Variants in CNBD1 observed in about 807,000 individuals in gnomAD.
CNBD1 encodes the protein cyclic nucleotide binding domain containing 1.
A neutral mutation model predicts 54.4 loss-of-function variants in CNBD1; 71 were observed. The ratio of observed to expected loss-of-function variants is 1.30; its 90% CI spans 1.08 to 1.59. CNBD1 has a LOEUF of 1.59. Ranked by LOEUF, CNBD1 falls within the 40% of genes most tolerant of loss-of-function variation. CNBD1 has a pLI of 0.00. For missense variants in CNBD1, 659 were observed against 518.0 expected, an observed-to-expected ratio of 1.27 and a Z score of -2.64; for synonymous variants, 182 against 170.7, an observed-to-expected ratio of 1.07 and a Z score of -0.51.
intron 7 of CNBD1, among the ~76,000 whole-genome samples, chr8:87,285,889 A>T (rs533810165): frequency 1.1e-4 from 16 of 152,294 alleles, no homozygotes; most frequent in Admixed American, 7.9e-4. Context: ...ATAAATAAAT[A>T]AAAAATAATG....
At chr8:87,021,670 T>A (rs1206600200) in intron 4 of CNBD1, among the ~76,000 whole-genome samples, 1 of 152,182 alleles carries the variant, frequency 6.6e-6, no homozygotes, top group African/African-American at 2.4e-5. Flanking sequence ...ACTTGTAGGG[T>A]AGAGGCCAGA....
At chr8:86,918,229 T>TA (rs200062695) in intron 3 of CNBD1, among the ~76,000 whole-genome samples, 11 of 151,886 alleles carry the variant, frequency 7.2e-5, no homozygotes, top group East Asian at 1.9e-4. Flanking sequence ...TGTCATGACT[T>TA]AAAAAAAAAT....
chr8:87,183,317 A>C (rs1241114640), intron 4 of CNBD1, among the ~76,000 whole-genome samples: 1 of 149,148 alleles, frequency 6.7e-6, no homozygotes, highest in East Asian at 2.0e-4. Flanking sequence ...GTAGTTTGAA[A>C]TCAGGTAGTG....
intron 4 of CNBD1, among the ~76,000 whole-genome samples, chr8:87,007,718 T>G (rs1489754187): frequency 1.3e-5 from 2 of 152,192 alleles, no homozygotes; most frequent in Non-Finnish European, 2.9e-5. Context: ...GATAACATTC[T>G]TAAAGTTTTC....
intron 4 of CNBD1, among the ~76,000 whole-genome samples, chr8:87,026,280 T>A (rs1368089898): frequency 6.6e-6 from 1 of 151,822 alleles, no homozygotes; most frequent in East Asian, 1.9e-4. Flanking sequence ...GTTTTTCTTT[T>A]CTTTTCTCTC....
At chr8:87,075,347 G>T (rs1171557128) in intron 4 of CNBD1, among the ~76,000 whole-genome samples, 2 of 152,034 alleles carry the variant, frequency 1.3e-5, no homozygotes, top group Non-Finnish European at 2.9e-5. Context: ...TCTAAACAAA[G>T]AAATCGATCC....
chr8:87,226,788 G>C (rs905701137), intron 5 of CNBD1, among the ~76,000 whole-genome samples: 12 of 151,226 alleles, frequency 7.9e-5, no homozygotes, highest in African/African-American at 2.4e-4. Context: ...CAATTCCTGG[G>C]TATCCTTGTT....
chr8:87,160,771 T>A (rs191982734), intron 4 of CNBD1, among the ~76,000 whole-genome samples: 9 of 151,830 alleles, frequency 5.9e-5, no homozygotes, highest in Admixed American at 6.6e-5. Context: ...ATACTATTTT[T>A]AAAAAAAACA....
At chr8:87,386,425 T>C (rs1199979067), downstream of CNBD1, among the ~76,000 whole-genome samples, 4 of 152,040 alleles carry the variant, frequency 2.6e-5, no homozygotes, top group African/African-American at 4.8e-5. Flanking sequence ...TTAAAGGACC[T>C]GATGGAGCTG....
chr8:87,244,875 T>C (rs1162781705), intron 6 of CNBD1, among the ~76,000 whole-genome samples: 1 of 152,182 alleles, frequency 6.6e-6, no homozygotes, highest in Non-Finnish European at 1.5e-5. Context: ...AAATTGCAAC[T>C]GATAGAGGAT....
chr8:87,337,002 C>T (rs1234800914), intron 8 of CNBD1, among the ~76,000 whole-genome samples: 1 of 152,070 alleles, frequency 6.6e-6, no homozygotes. Context: ...AGGTCCTATT[C>T]ATCTAGTTTA....
At chr8:86,903,833 C>A (rs1563816410) in intron 2 of CNBD1, among the ~76,000 whole-genome samples, 1 of 150,354 alleles carries the variant, frequency 6.7e-6, no homozygotes, top group African/African-American at 2.4e-5. Flanking sequence ...ATGTGTAAAA[C>A]AGATGATTGT....
At chr8:87,034,734 A>G (rs1296523586) in intron 4 of CNBD1, among the ~76,000 whole-genome samples, 1 of 152,192 alleles carries the variant, frequency 6.6e-6, no homozygotes, top group Non-Finnish European at 1.5e-5. Flanking sequence ...TTCCTAGGCT[A>G]CATAGTTCAT....
intron 2 of CNBD1, among the ~76,000 whole-genome samples, chr8:87,405,922 G>A (rs919445899): frequency 3.9e-5 from 6 of 152,060 alleles, no homozygotes; most frequent in African/African-American, 1.4e-4. Context: ...CTAAGCATCT[G>A]TTATCTGATA....
At chr8:86,959,167 A>G (rs1807861871) in intron 4 of CNBD1, among the ~76,000 whole-genome samples, 1 of 152,180 alleles carries the variant, frequency 6.6e-6, no homozygotes, top group Non-Finnish European at 1.5e-5. Context: ...AAGAATGTTG[A>G]ATATTGGCCT....
intron 3 of CNBD1, among the ~76,000 whole-genome samples, chr8:86,928,676 G>A (rs530717313): frequency 6.6e-6 from 1 of 152,220 alleles, no homozygotes; most frequent in Non-Finnish European, 1.5e-5. Flanking sequence ...TATGGGTGAA[G>A]TCTCACTGCC....
At chr8:87,102,626 G>GTTTT (rs780995594) in intron 4 of CNBD1, among the ~76,000 whole-genome samples, 1 of 151,904 alleles carries the variant, frequency 6.6e-6, no homozygotes, top group Admixed American at 6.6e-5. Context: ...TTGTTTGTTT[G>GTTTT]TTTTTGAGAC....
At chr8:86,937,145 G>A (rs1330663492) in intron 3 of CNBD1, among the ~76,000 whole-genome samples, 1 of 152,090 alleles carries the variant, frequency 6.6e-6, no homozygotes, top group Non-Finnish European at 1.5e-5. Context: ...GTGGAGGAGG[G>A]GCAAAGTCAC....
rs751259462 is a variant in CNBD1, at chr8:87,236,928, A to G, written c.587A>G (p.Asn196Ser). 11 of 1,590,698 alleles carry G rather than the reference A, an allele frequency of 6.9e-6. No individual in the cohort carries two copies. The highest frequency in any genetic ancestry group is 6.8e-5 in the South Asian group (6 of 87,842). Residue 196 changes from asparagine (N) to serine (S), a missense_variant, in exon 6 of 11, where the codon AAT (asparagine) becomes AGT (serine). Physicochemically the swap from Asn to Ser is conservative, Grantham distance 46 (BLOSUM62 1). Coordinates refer to ENST00000518476, the MANE Select transcript of CNBD1 (RefSeq NM_173538.3). ...GCTTTGTTTTTTTCAGTGGTTGCAAATGATGGATTTTATGTAATACTGAAA... is the reference window on the plus strand; with the variant it reads ...GCTTTGTTTTTTTCAGTGGTTGCAAGTGATGGATTTTATGTAATACTGAAA... ...TWLKGSTVVANDGFYVILKGL... is the reference protein window; with the variant it reads ...TWLKGSTVVASDGFYVILKGL...
Sources: allele counts gnomAD v4.1 joint callset (sites outside exome capture counted in the v4.1 genomes callset), GRCh38; gene constraint gnomAD v4.1.1; transcripts MANE v1.5; gene names NCBI Gene and HGNC (gene_info 2026-07-23, HGNC 2026-07-21).